Variants in MECOM observed in about 807,000 individuals in gnomAD.
MECOM encodes the protein histone-lysine N-methyltransferase MECOM.
MECOM carries 13 observed loss-of-function variants against 116.3 expected under a neutral mutation model. The ratio of observed to expected loss-of-function variants is 0.11; its 90% CI spans 0.07 to 0.18. The LOEUF (loss-of-function observed/expected upper bound fraction) is 0.18, where lower values mean the gene tolerates loss of function less well. Ranked by LOEUF, MECOM falls within the 10% of genes least tolerant of loss-of-function variation. The pLI is 1.00. For synonymous variants in MECOM, 528 were observed against 535.2 expected, an observed-to-expected ratio of 0.99 and a Z score of 0.19; for missense variants, 1,299 against 1,509.0, an observed-to-expected ratio of 0.86 and a Z score of 2.31.
chr3:169,281,847 C>T (rs527743305), intron 2 of MECOM, among the ~76,000 whole-genome samples: 102 of 152,052 alleles, frequency 6.7e-4, no homozygotes, highest in African/African-American at 1.9e-3. Context: ...TTAATTGAAC[C>T]GTAAATATGG....
At chr3:169,469,553 T>C (rs1412876447) in intron 1 of MECOM, among the ~76,000 whole-genome samples, 1 of 152,058 alleles carries the variant, frequency 6.6e-6, no homozygotes, top group African/African-American at 2.4e-5. Flanking sequence ...ATAGTCCTTC[T>C]GAAAAACTAA....
At chr3:169,349,438 G>A (rs748781234) in intron 2 of MECOM, among the ~76,000 whole-genome samples, 1 of 151,978 alleles carries the variant, frequency 6.6e-6, no homozygotes, top group East Asian at 1.9e-4. Context: ...ATGGATACAG[G>A]TATGCATGCC....
chr3:169,381,024 ATTGT>A (rs1357317289), intron 2 of MECOM, among the ~76,000 whole-genome samples, 159 bp downstream of exon 2: 1 of 152,206 alleles, frequency 6.6e-6, no homozygotes, highest in Non-Finnish European at 1.5e-5. Flanking sequence ...TAATCAATAC[ATTGT>A]TTGTATTAAG....
chr3:169,116,319 G>A lies in MECOM; in HGVS notation c.1553C>T (p.Thr518Ile). The A allele has an allele frequency of 6.2e-7, 1 of 1,614,196 alleles. No individual in the cohort carries two copies. Among genetic ancestry groups the A allele is most frequent in the South Asian group, 1.1e-5 (1 of 91,086 alleles). ...ACTTTGACTTTTGTTTGTCTGTTCA[G>A]TACTTGATAGTCCTTTAACAGGAGA... ...ASSPVKGLSSTEQTNKSQSPL... is the reference protein window; with the variant it reads ...ASSPVKGLSSIEQTNKSQSPL... Residue 518 changes from threonine (T) to isoleucine (I), a missense_variant, in exon 8 of 17, where the codon ACT becomes ATT. Around this residue, in one of 6 missense-constraint regions of MECOM, gnomAD observed 238 missense variants for 273.1 expected, o/e 0.87. Coordinates refer to ENST00000651503, the MANE Select transcript of MECOM (RefSeq NM_004991.4).
At chr3:169,662,326 C>T (rs1776386175) in intron 1 of MECOM, among the ~76,000 whole-genome samples, 2 of 152,314 alleles carry the variant, frequency 1.3e-5, no homozygotes, top group Admixed American at 1.3e-4. Flanking sequence ...CTCTCCGCGG[C>T]CCAACGCTCT....
intron 6 of MECOM, among the ~76,000 whole-genome samples, chr3:169,121,636 T>G (rs1246415938): frequency 6.6e-6 from 1 of 152,084 alleles, no homozygotes; most frequent in Non-Finnish European, 1.5e-5. Flanking sequence ...TTAAAGAGTT[T>G]CCCTAGGGCG....
chr3:169,111,448 A>T (rs1727369817), intron 9 of MECOM, among the ~76,000 whole-genome samples: 1 of 152,182 alleles, frequency 6.6e-6, no homozygotes, highest in Non-Finnish European at 1.5e-5. Flanking sequence ...ACAATATCTG[A>T]CACAAAATAT....
In MECOM at chr3:169,439,103, G is replaced by GAATATTAATATTATTAATATTATTT. The variant is rs1553853102; in HGVS notation, c.38-57604_38-57580dup. 9.2e-3 allele frequency among the ~76,000 whole-genome samples: 1,353 copies of GAATATTAATATTATTAATATTATTT among 146,972 alleles called. 18 individuals are homozygous for GAATATTAATATTATTAATATTATTT. Among genetic ancestry groups the GAATATTAATATTATTAATATTATTT allele is most frequent in the African/African-American group, 0.032 (1,297 of 40,166 alleles). ...ATAATTAACTAAGGATTAGTATCCA[G>GAATATTAATATTATTAATATTATTT]AATATTAATATTATTAATATTATTT... On this transcript the variant is annotated intron_variant, in intron 1 of 16. Coordinates refer to ENST00000651503, the MANE Select transcript of MECOM (RefSeq NM_004991.4).
intron 2 of MECOM, among the ~76,000 whole-genome samples, chr3:169,301,860 T>A (rs1388575371): frequency 2.0e-5 from 3 of 152,024 alleles, no homozygotes; most frequent in Non-Finnish European, 2.9e-5. Flanking sequence ...AGGATCCTTT[T>A]ATGTCCATTT....
intron 1 of MECOM, among the ~76,000 whole-genome samples, chr3:169,625,439 T>C (rs1208266026): frequency 2.0e-5 from 3 of 152,136 alleles, no homozygotes; most frequent in Non-Finnish European, 2.9e-5. Flanking sequence ...CTATTAGTAA[T>C]ACATACCAAA....
chr3:169,323,236 T>C (rs968808109), intron 2 of MECOM, among the ~76,000 whole-genome samples: 1 of 152,162 alleles, frequency 6.6e-6, no homozygotes, highest in Non-Finnish European at 1.5e-5. Context: ...AGGAACCAGC[T>C]TGAGGAGGTC....
intron 1 of MECOM, among the ~76,000 whole-genome samples, chr3:169,500,415 T>A (rs1029335234): frequency 6.6e-6 from 1 of 151,982 alleles, no homozygotes; most frequent in Non-Finnish European, 1.5e-5. Flanking sequence ...ATGAAACCTG[T>A]GTATGTCAAA....
At chr3:169,556,274 T>C (rs1464698457) in intron 1 of MECOM, among the ~76,000 whole-genome samples, 1 of 152,190 alleles carries the variant, frequency 6.6e-6, no homozygotes, top group Admixed American at 6.5e-5. Context: ...TGAATGACTT[T>C]ATTTCCTCCC....
Position 169,546,156 on chromosome 3 carries a change from C to A in MECOM, c.37+117180G>T, listed in dbSNP as rs1760697883. ...ATATAGATTCTATGATCCTTTATTT[C>A]TAATTCTTTTAAAATTGTATATATA... On this transcript the variant is annotated intron_variant, in intron 1 of 16. Coordinates refer to ENST00000651503, the MANE Select transcript of MECOM (RefSeq NM_004991.4). 2.0e-5 allele frequency among the ~76,000 whole-genome samples: 3 copies of A among 152,192 alleles called. No individual in the cohort carries two copies. In the Middle Eastern group the frequency reaches 0.01, roughly 518 times the overall value.
In MECOM at chr3:169,121,203, T is replaced by C. The variant is rs1425531461; in HGVS notation, c.985A>G (p.Thr329Ala). ...TGCCGCTGAAGGTTGCTAGGGTCCG[T>C]GAAAACCTGCTAGGAAATGAGTACT... is the stretch of plus-strand genomic sequence containing the variant. ...YECENCAKVF[T>A]DPSNLQRHIR... Residue 329 changes from threonine to alanine, a missense_variant, in exon 7 of 17, where the codon ACG becomes GCG. Thr to Ala is a moderately conservative substitution (Grantham distance 58, BLOSUM62 0). Transcript: ENST00000651503. 2 of 1,609,930 alleles carry C rather than the reference T, an allele frequency of 1.2e-6. No homozygotes were observed. The highest frequency in any genetic ancestry group is 3.4e-5 in the Admixed American group (2 of 59,690).
intron 1 of MECOM, among the ~76,000 whole-genome samples, chr3:169,645,464 G>C (rs1774050121): frequency 6.6e-6 from 1 of 152,006 alleles, no homozygotes; most frequent in South Asian, 2.1e-4. Flanking sequence ...CTGATTCTGG[G>C]GTTTTTTTCT....
intron 1 of MECOM, among the ~76,000 whole-genome samples, chr3:169,648,852 G>A (rs2110072233): frequency 6.6e-6 from 1 of 152,342 alleles, no homozygotes; most frequent in East Asian, 1.9e-4. Flanking sequence ...AAACCATGGA[G>A]ACTTCAGTTT....
intron 1 of MECOM, among the ~76,000 whole-genome samples, chr3:169,430,797 T>A (rs1468258600): frequency 6.6e-6 from 1 of 152,218 alleles, no homozygotes; most frequent in East Asian, 1.9e-4. Flanking sequence ...CAAGACCCTT[T>A]ACTGAAAGCA....
chr3:169,345,261 C>G (rs1055887686), intron 2 of MECOM, among the ~76,000 whole-genome samples: 1 of 151,890 alleles, frequency 6.6e-6, no homozygotes, highest in Non-Finnish European at 1.5e-5. Context: ...AACAAATATA[C>G]GATAAAAGAC....
Sources: gnomAD v4.1 joint callset for allele counts (sites outside exome capture counted in the v4.1 genomes callset) on GRCh38, gnomAD v4.1.1 for gene constraint, gnomAD v4.1.1 regional missense constraint, MANE v1.5 for transcripts, NCBI Gene and HGNC (gene_info 2026-07-23, HGNC 2026-07-21) for gene names.